ZNF695: variants seen among roughly 807,000 people sequenced by gnomAD.
ZNF695 encodes zinc finger protein SBZF3.
A neutral mutation model predicts 11.2 loss-of-function variants in ZNF695; 11 were observed. That is an observed-to-expected ratio of 0.98 (90% CI 0.62 to 1.62). The LOEUF is 1.62. Ranked by LOEUF, ZNF695 falls within the 40% of genes most tolerant of loss-of-function variation. ZNF695 has a pLI of 0.00. For synonymous variants in ZNF695, 190 were observed against 201.4 expected (o/e 0.94, Z 0.48); for missense variants, 559 against 590.5 (o/e 0.95, Z 0.55).
chr1:246,963,607 C>G (rs1179266768), intron 5 of ZNF695, among the ~76,000 whole-genome samples: 1 of 152,152 alleles, frequency 6.6e-6, no homozygotes. Context: ...CTGGCAGTGC[C>G]AGAGCAGGTG....
At chr1:246,999,583 T>A (rs1287730646) in intron 2 of ZNF695, 143 bp from the exon 3 acceptor site, 1 of 680,272 alleles carries the variant, frequency 1.5e-6, no homozygotes, top group East Asian at 2.7e-5. Context: ...ACCTTTAATA[T>A]ATGTAGGAAG....
intron 5 of ZNF695, chr1:246,945,879 G>A: frequency 6.5e-7 from 1 of 1,546,742 alleles, no homozygotes; most frequent in Non-Finnish European, 8.7e-7. Flanking sequence ...TAGCTCCTTG[G>A]GATATGATTT....
Position 246,988,174 on chromosome 1 carries a change from T to A in ZNF695, c.341A>T (p.Tyr114Phe). ...TAATTTCTCAAGACAACATCTTTCA[T>A]ATCTTCTCAGCATCACTTTTTGGAA... ...VSFQKVMLRR[Y>F]ERCCLEKLRL... The change falls in exon 4 of 4, where the codon TAT becomes TTT. Residue 114 changes from tyrosine to phenylalanine, a missense_variant. Transcript: ENST00000339986. The A allele has an allele frequency of 2.5e-6, 4 of 1,612,514 alleles. No homozygotes were observed. Among genetic ancestry groups the A allele is most frequent in the Non-Finnish European group, 3.4e-6 (4 of 1,179,414 alleles).
At chr1:246,959,643 G>T (rs1572507392) in intron 5 of ZNF695, among the ~76,000 whole-genome samples, 1 of 151,816 alleles carries the variant, frequency 6.6e-6, no homozygotes, top group Non-Finnish European at 1.5e-5. Flanking sequence ...GGCCAGGCTG[G>T]TCTCGAACTC....
intron 5 of ZNF695, chr1:246,966,900 G>A (rs890074163): frequency 1.1e-5 from 5 of 450,092 alleles, no homozygotes; most frequent in African/African-American, 8.1e-5. Context: ...GAACAGAGGA[G>A]TTACATATTA....
intron 4 of ZNF695, among the ~76,000 whole-genome samples, chr1:246,978,945 T>TGAATGCTTTTAAGTG (rs1341701886): frequency 5.9e-5 from 9 of 152,136 alleles, no homozygotes; most frequent in African/African-American, 2.2e-4. Context: ...ACAGTGATCG[T>TGAATGCTTTTAAGTG]GAATGCTTTT....
intron 5 of ZNF695, among the ~76,000 whole-genome samples, chr1:246,956,240 G>A (rs183435407): frequency 0.015 from 2,233 of 150,960 alleles, 59 homozygotes; most frequent in African/African-American, 0.051. Flanking sequence ...GACCAGCCTC[G>A]GCCTCCCAAA....
rs1668852894 is a variant in ZNF695, at chr1:246,986,557, T to A, written c.*410A>T. 1.0e-6 allele frequency: 1 copy of A among 992,984 alleles called. No individual in the cohort carries two copies. Among genetic ancestry groups the A allele is most frequent in the African/African-American group, 1.7e-5 (1 of 57,516 alleles). The allele number at this position is 992,984 out of a possible 1,614,324, so 61.5% of individuals were successfully genotyped here. ...TTTGATGTAATTTTTGATTAGACAT[T>A]TTTTCACATTTACTGCATCTGTAAA... is the stretch of plus-strand genomic sequence containing the variant. On this transcript the variant is annotated 3_prime_UTR_variant, in exon 4 of 4. Transcript: ENST00000339986.
chr1:246,993,985 C>T (rs987058549), intron 3 of ZNF695, among the ~76,000 whole-genome samples: 9 of 151,944 alleles, frequency 5.9e-5, no homozygotes, highest in African/African-American at 2.2e-4. Context: ...ACCAGCCTAG[C>T]CAATATGGTG....
intron 5 of ZNF695, among the ~76,000 whole-genome samples, chr1:246,948,043 G>A (rs933758844): frequency 1.3e-5 from 2 of 151,966 alleles, no homozygotes; most frequent in Non-Finnish European, 2.9e-5. Flanking sequence ...CTCATTACCT[G>A]TGAGGCGATG....
At chr1:246,969,090 G>A (rs975214634) in intron 4 of ZNF695, 1 of 152,156 alleles carries the variant, frequency 6.6e-6, no homozygotes, top group South Asian at 2.1e-4. Flanking sequence ...CCAGAAAATG[G>A]TTTTTTCTTT....
At chr1:246,950,152 T>G (rs973374358) in intron 5 of ZNF695, among the ~76,000 whole-genome samples, 2 of 152,192 alleles carry the variant, frequency 1.3e-5, no homozygotes, top group Non-Finnish European at 2.9e-5. Flanking sequence ...GAGAATATGT[T>G]TCCCCACTTT....
intron 5 of ZNF695, among the ~76,000 whole-genome samples, chr1:246,962,588 T>C (rs1179453257): frequency 6.6e-6 from 1 of 152,206 alleles, no homozygotes; most frequent in African/African-American, 2.4e-5. Flanking sequence ...TCCGTGGGGC[T>C]GGCCTCTTCA....
At chr1:246,950,331 T>C (rs1205455232) in intron 5 of ZNF695, among the ~76,000 whole-genome samples, 3 of 152,188 alleles carry the variant, frequency 2.0e-5, no homozygotes, top group Admixed American at 2.0e-4. Flanking sequence ...TGCCATTCTT[T>C]TTGATTATAT....
chr1:246,997,021 T>A (rs913811664), intron 3 of ZNF695, among the ~76,000 whole-genome samples: 2 of 152,188 alleles, frequency 1.3e-5, no homozygotes, highest in Non-Finnish European at 2.9e-5. Flanking sequence ...TGCACCATAA[T>A]GTCTTGAAGT....
intron 4 of ZNF695, among the ~76,000 whole-genome samples, chr1:246,976,739 T>A (rs111877276): frequency 0.051 from 7,754 of 152,026 alleles, 389 homozygotes; most frequent in African/African-American, 0.13. Flanking sequence ...GCTTGCAGTG[T>A]GCTGAGATCG....
rs181828801 is a variant in ZNF695 at position 246,995,254 on chromosome 1, A to C, written c.259+4094T>G. On this transcript the variant is annotated intron_variant, in intron 3 of 3. Coordinates refer to ENST00000339986, the MANE Select transcript of ZNF695 (RefSeq NM_020394.5). ...ATGACCAAAATGGAATAAAACAAGA[A>C]ATCAGTAACAGAAAGAAAACTGAAA... is the stretch of plus-strand genomic sequence containing the variant. Among the ~76,000 whole-genome samples, 18 of 152,342 alleles carry C rather than the reference A, an allele frequency of 1.2e-4. No individual in the cohort carries two copies. In the East Asian group the frequency reaches 3.5e-3, roughly 29 times the overall value.
chr1:246,977,360 G>A lies in ZNF695; in HGVS notation c.391-9568C>T, dbSNP rs548980430. On this transcript the variant is annotated intron_variant, in intron 4 of 5. Transcript: ENST00000487338. ...CAACCTCTGCCTCCTGGGTTCAAGC[G>A]ATTCTCCTGCTTCAGCCTCCTGAGT... Among the ~76,000 whole-genome samples the A allele has an allele frequency of 1.1e-4, 17 of 152,306 alleles. No individual in the cohort carries two copies. The South Asian group carries it at 1.9e-3, about 17-fold the overall frequency.
At chr1:246,964,586 C>T (rs566451268) in intron 5 of ZNF695, among the ~76,000 whole-genome samples, 115 of 152,316 alleles carry the variant, frequency 7.6e-4, no homozygotes, top group Admixed American at 2.2e-3. Context: ...AAACTTAATC[C>T]CTGGCTGGGC....
Sources: allele counts gnomAD v4.1 joint callset (sites outside exome capture counted in the v4.1 genomes callset), GRCh38; gene constraint gnomAD v4.1.1; transcripts MANE v1.5; gene names NCBI Gene and HGNC (gene_info 2026-07-23, HGNC 2026-07-21).